CDAN1: variants seen among roughly 807,000 people sequenced by gnomAD.
The protein encoded by CDAN1 is codanin-1.
Under a neutral mutation model 139.8 loss-of-function variants are expected in CDAN1, and 107 were observed. The ratio of observed to expected loss-of-function variants is 0.77; its 90% confidence interval spans 0.65 to 0.90. The LOEUF (loss-of-function observed/expected upper bound fraction) is 0.90, where lower values mean the gene tolerates loss of function less well. CDAN1 is among the 40% of genes least tolerant of loss of function. The pLI, the probability that CDAN1 is intolerant of heterozygous loss-of-function variation, is 0.00. For missense variants in CDAN1, 1,667 were observed against 1,575.7 expected, an observed-to-expected ratio of 1.06 and a Z score of -0.98; for synonymous variants, 776 against 660.6, an observed-to-expected ratio of 1.17 and a Z score of -2.68.
intron 17 of CDAN1, 75 bp downstream of exon 17, chr15:42,729,493 C>G (rs2061580209): frequency 1.2e-6 from 2 of 1,605,594 alleles, no homozygotes; most frequent in Admixed American, 1.7e-5. Flanking sequence ...TCCAAGGGAG[C>G]TGGGCCAAGG....
At position 42,736,558 on chromosome 15, in the gene CDAN1, C is replaced by T. The variant is rs1163901286; in HGVS notation, c.313G>A (p.Glu105Lys). The T allele has an allele frequency of 2.7e-6, 4 of 1,483,774 alleles. No individual in the cohort carries two copies. Among genetic ancestry groups the T allele is most frequent in the East Asian group, 2.9e-5 (1 of 34,694 alleles). The allele number at this position is 1,483,774 out of a possible 1,614,324, so 91.9% of individuals were successfully genotyped here. ...GCCTCGGCAGCGGTGCTCTGGGCCT[C>T]GGTCGGAGGGAAAAGCTGGCTGCGC... ...GARSQLFPPT[E>K]AQSTAAEAPL... The change falls in exon 2 of 28, where the codon GAG (glutamate) becomes AAG (lysine). Residue 105 changes from glutamate to lysine, a missense_variant. By Grantham distance (56) the Glu-to-Lys change is moderately conservative. Transcript: ENST00000356231.
intron 9 of CDAN1, 90 bp downstream of exon 9, chr15:42,733,001 AGCGGGG>A: frequency 1.1e-6 from 1 of 929,186 alleles, no homozygotes; most frequent in South Asian, 1.3e-5. Context: ...GGCTGGTAGG[AGCGGGG>A]AAAACCTTCC....
In CDAN1 at chr15:42,729,318, C is replaced by T. The variant is rs1356810419; in HGVS notation, c.2452G>A (p.Gly818Arg). ...TTCCTCATGAAGCCCCCACTCCGTC[C>T]ACTACTGCCTGACACCCACGAAGCG... Reference protein sequence around the residue: ...LLASWVSGSSGRSGGFMRKIT... With the variant: ...LLASWVSGSSRRSGGFMRKIT... Residue 818 changes from glycine (G) to arginine (R), a missense_variant, in exon 18 of 28, where the codon GGA (glycine) becomes AGA (arginine). Transcript: ENST00000356231. The T allele has an allele frequency of 3.1e-6, 5 of 1,614,038 alleles. No homozygotes were observed. The highest frequency in any genetic ancestry group is 4.2e-6 in the Non-Finnish European group (5 of 1,180,040).
intron 9 of CDAN1, 137 bp downstream of exon 9, chr15:42,732,960 A>C (rs1198951410): frequency 2.7e-6 from 2 of 746,812 alleles, no homozygotes; most frequent in Non-Finnish European, 4.8e-6. Flanking sequence ...ATAACTAAAG[A>C]GATTTCGGAG....
intron 27 of CDAN1, 80 bp downstream of exon 27, chr15:42,725,064 C>T: frequency 1.7e-6 from 2 of 1,194,924 alleles, no homozygotes; most frequent in Admixed American, 1.8e-5. Context: ...TAGTTTGGCC[C>T]CATCACTTGC....
At chr15:42,736,112 CCT>C in intron 2 of CDAN1, 34 bp from the exon 3 acceptor site, 1 of 1,610,360 alleles carries the variant, frequency 6.2e-7, no homozygotes, top group Non-Finnish European at 8.5e-7. Flanking sequence ...TTCTCAAATT[CCT>C]ATCTTCAAAC....
chr15:42,730,693 C>A lies in CDAN1; in HGVS notation c.2079G>T (p.Val693=), dbSNP rs1227367112. 1.9e-6 allele frequency: 3 copies of A among 1,613,906 alleles called. 1 individual carries two copies. The highest frequency in any genetic ancestry group is 3.3e-4 in the Middle Eastern group (2 of 6,062). ...AGGAGAGAAACTCCACCAGCCAGGG[C>A]ACGGTGAGCACCGCCCGGCGGGCCT... ...GLQARRAVLT[V]PWLVEFLSFA... is the part of the protein sequence containing the mutation. The change falls in exon 14 of 28, where the codon GTG becomes GTT. Residue 693 remains valine, a synonymous_variant. Coordinates refer to ENST00000356231, the MANE Select transcript of CDAN1 (RefSeq NM_138477.4).
rs749928080 is a variant in CDAN1 at position 42,734,062 on chromosome 15, G to A, written c.1258-15C>T. 6 of 1,595,972 alleles carry A rather than the reference G, an allele frequency of 3.8e-6. No homozygotes were observed. In the South Asian group the frequency reaches 4.4e-5, roughly 12 times the overall value. ...ACCAGAGAGACCTAAAATACAGCAG[G>A]AACGTTAGGAACTGCAGGGTCATGC... On this transcript the variant is annotated splice_polypyrimidine_tract_variant and intron_variant, in intron 7 of 27. Transcript: ENST00000356231.
At chr15:42,725,384 A>G (rs2061510909) in intron 26 of CDAN1, 105 bp downstream of exon 26, 4 of 1,510,426 alleles carry the variant, frequency 2.6e-6, no homozygotes, top group East Asian at 2.3e-5. Flanking sequence ...TTCTGTGTGG[A>G]ACAGGAAGGG....
intron 9 of CDAN1, 40 bp downstream of exon 9, chr15:42,733,057 T>G (rs1318310047): frequency 1.3e-6 from 2 of 1,570,446 alleles, no homozygotes; most frequent in Non-Finnish European, 1.8e-6. Context: ...ACTGAGCTAC[T>G]CATTGCCAGG....
At position 42,731,709 on chromosome 15, in the gene CDAN1, CA is replaced by C. The variant is rs1182608018; in HGVS notation, c.1649del (p.Met550ArgfsTer42). 1 of 1,614,028 alleles carries C rather than the reference CA, an allele frequency of 6.2e-7. No homozygotes were observed. Among genetic ancestry groups the C allele is most frequent in the African/African-American group, 1.3e-5 (1 of 74,940 alleles). On this transcript the variant is annotated frameshift_variant, in exon 11 of 28. Coordinates refer to ENST00000356231, the MANE Select transcript of CDAN1 (RefSeq NM_138477.4). LOFTEE classifies it high-confidence loss of function. Reference protein sequence around the residue: ...GRLWRLQERLMAPQSSGGPCP... With the variant: ...GRLWRLQERLXAPQSSGGPCP... ...AGGGCCCCCCACTGCTCTGAGGAGCCATAAGCCGTTCCTGTAGGCGCCACAA... is the reference window on the plus strand; with the variant it reads ...AGGGCCCCCCACTGCTCTGAGGAGCCTAAGCCGTTCCTGTAGGCGCCACAA...
chr15:42,729,117 C>G lies in CDAN1; in HGVS notation c.2551G>C (p.Ala851Pro). The G allele has an allele frequency of 6.2e-7, 1 of 1,614,162 alleles. No homozygotes were observed. The highest frequency in any genetic ancestry group is 1.3e-5 in the African/African-American group (1 of 75,038). ...GGCTGGTTGTGGAAAAAGGCCTGGG[C>G]GAGCTGTGCCTGGGGGGAGGAGGGA... is the stretch of plus-strand genomic sequence containing the variant. ...QTSQGLQAQL[A>P]QAFFHNQPPS... The change falls in exon 19 of 28, where the codon GCC becomes CCC. Residue 851 changes from alanine to proline, a missense_variant. Coordinates refer to ENST00000356231, the MANE Select transcript of CDAN1 (RefSeq NM_138477.4).
Position 42,728,824 on chromosome 15 carries a change from A to G in CDAN1, c.2646-14T>C. The G allele has an allele frequency of 6.2e-7, 1 of 1,614,186 alleles. No individual in the cohort carries two copies. The highest frequency in any genetic ancestry group is 8.5e-7 in the Non-Finnish European group (1 of 1,180,018). On this transcript the variant is annotated splice_polypyrimidine_tract_variant and intron_variant, in intron 19 of 27. Transcript: ENST00000356231. ...ACCAGTGTAGCCCTGCAGCAGGGACAGCAAGGTTGGGGATGGTTGGAGGGT... is the reference window on the plus strand; with the variant it reads ...ACCAGTGTAGCCCTGCAGCAGGGACGGCAAGGTTGGGGATGGTTGGAGGGT...
Position 42,725,538 on chromosome 15 carries a change from AGCAGCT to A in CDAN1, c.3395_3400del (p.Gln1132_Leu1133del). 5 of 1,614,170 alleles carry A rather than the reference AGCAGCT, an allele frequency of 3.1e-6. No homozygotes were observed. Among genetic ancestry groups the A allele is most frequent in the Non-Finnish European group, 4.2e-6 (5 of 1,180,024 alleles). On this transcript the variant is annotated inframe_deletion, in exon 26 of 28. Coordinates refer to ENST00000356231, the MANE Select transcript of CDAN1 (RefSeq NM_138477.4). ...AAGCCCCACATTTCTTGGGCTCAGC[AGCAGCT>A]GCAGCGGAACCGGCCCCTGAAAGTC... is the stretch of plus-strand genomic sequence containing the variant.
chr15:42,728,335 G>C (rs377567798), intron 20 of CDAN1, 68 bp from the exon 21 acceptor site: 56 of 1,529,256 alleles, frequency 3.7e-5, no homozygotes, highest in East Asian at 3.2e-4. Flanking sequence ...TAAATGCCCC[G>C]AGTGCACCAA....
intron 11 of CDAN1, 122 bp from the exon 12 acceptor site, chr15:42,731,453 A>C: frequency 6.8e-7 from 1 of 1,478,182 alleles, no homozygotes; most frequent in South Asian, 1.1e-5. Flanking sequence ...AGGAGCAATG[A>C]AATCACCCAC....
At chr15:42,728,568 G>A (rs138273028) in intron 20 of CDAN1, 84 bp downstream of exon 20, 1 of 1,563,814 alleles carries the variant, frequency 6.4e-7, no homozygotes. Flanking sequence ...GAGAAGAAAG[G>A]GAAAAAAGAG....
intron 27 of CDAN1, chr15:42,724,881 C>T (rs1413313125): frequency 6.6e-6 from 4 of 607,224 alleles, no homozygotes; most frequent in Non-Finnish European, 1.2e-5. Context: ...ATTATTATTC[C>T]CGTTAAAATC....
chr15:42,727,610 T>C lies in CDAN1; in HGVS notation c.3096+11A>G, dbSNP rs767514455. 3.2e-6 allele frequency: 5 copies of C among 1,550,176 alleles called. No individual in the cohort carries two copies. In the South Asian group the frequency reaches 6.0e-5, roughly 18 times the overall value. On this transcript the variant is annotated intron_variant, in intron 23 of 27. Transcript: ENST00000356231. ...AGCAGGGAAGCCAAAGGGAGTAGGG[T>C]AGCCGTGTACTTTTATCTCGGAGAT...
Sources: allele counts gnomAD v4.1 joint callset, GRCh38; gene constraint gnomAD v4.1.1; transcripts MANE v1.5; gene names NCBI Gene and HGNC (gene_info 2026-07-23, HGNC 2026-07-21).